NLGN1: variants seen among roughly 807,000 people sequenced by gnomAD.
NLGN1 encodes the protein neuroligin 1.
Under a neutral mutation model 65.5 loss-of-function variants are expected in NLGN1, and 12 were observed. The observed-to-expected ratio is 0.18, with a 90% CI of 0.12 to 0.30. The LOEUF (loss-of-function observed/expected upper bound fraction) is 0.30, where lower values mean the gene tolerates loss of function less well. Ranked by LOEUF, NLGN1 falls within the 10% of genes least tolerant of loss-of-function variation. The pLI, the probability that NLGN1 is intolerant of heterozygous loss-of-function variation, is 1.00. For synonymous variants in NLGN1, 350 were observed against 359.5 expected, an observed-to-expected ratio of 0.97 and a Z score of 0.30; for missense variants, 750 against 1,007.1, an observed-to-expected ratio of 0.74 and a Z score of 3.46.
intron 4 of NLGN1, among the ~76,000 whole-genome samples, chr3:173,932,939 A>T (rs1469858564): frequency 6.6e-6 from 1 of 152,162 alleles, no homozygotes; most frequent in Non-Finnish European, 1.5e-5. Context: ...GGCATAAGCC[A>T]TCTGAAATTA....
chr3:173,794,200 G>C (rs1713462212), intron 3 of NLGN1, among the ~76,000 whole-genome samples: 1 of 152,046 alleles, frequency 6.6e-6, no homozygotes, highest in South Asian at 2.1e-4. Flanking sequence ...ACTCAGCCAG[G>C]TCACCTTGTA....
intron 4 of NLGN1, among the ~76,000 whole-genome samples, chr3:174,085,130 A>T (rs922849438): frequency 1.3e-5 from 2 of 151,992 alleles, no homozygotes; most frequent in African/African-American, 4.8e-5. Context: ...CTCCTTAGGG[A>T]TGGATAGATA....
intron 2 of NLGN1, among the ~76,000 whole-genome samples, chr3:173,522,597 A>AT (rs71300451): frequency 0.38 from 57,137 of 151,088 alleles, 12,741 homozygotes; most frequent in East Asian, 0.82. Flanking sequence ...CGCCCAGCTA[A>AT]TTTTTTTTTG....
Position 173,917,620 on chromosome 3 carries a change from G to A in NLGN1, c.646+109788G>A, listed in dbSNP as rs116400036. 7.7e-3 allele frequency among the ~76,000 whole-genome samples: 1,166 copies of A among 152,182 alleles called. 10 individuals carry two copies. Among genetic ancestry groups the A allele is most frequent in the African/African-American group, 0.026 (1,094 of 41,530 alleles). ...CTATATTTTTCTAAGCCCTGACCTAGAATAGCTAGTCCTTAGTCCCCTAGT... is the reference window on the plus strand; with the variant it reads ...CTATATTTTTCTAAGCCCTGACCTAAAATAGCTAGTCCTTAGTCCCCTAGT... On this transcript the variant is annotated intron_variant, in intron 4 of 6. Transcript: ENST00000457714.
At chr3:174,255,850 T>A (rs1347610084) in intron 4 of NLGN1, among the ~76,000 whole-genome samples, 1 of 151,824 alleles carries the variant, frequency 6.6e-6, no homozygotes, top group African/African-American at 2.4e-5. Flanking sequence ...ATATAGACGA[T>A]GTTTTGCCAT....
chr3:174,064,092 A>G (rs1223510215), intron 4 of NLGN1, among the ~76,000 whole-genome samples: 1 of 151,912 alleles, frequency 6.6e-6, no homozygotes, highest in Admixed American at 6.6e-5. Flanking sequence ...CACTGAGCCA[A>G]GATTGTGCCA....
At chr3:174,114,867 T>G (rs1452168053) in intron 4 of NLGN1, among the ~76,000 whole-genome samples, 84 of 152,240 alleles carry the variant, frequency 5.5e-4, no homozygotes, top group Non-Finnish European at 5.9e-5. Context: ...TCTCTGACTT[T>G]CCAAATTCCT....
chr3:173,491,101 G>A (rs1180002862), intron 2 of NLGN1, among the ~76,000 whole-genome samples: 26 of 151,758 alleles, frequency 1.7e-4, no homozygotes, highest in African/African-American at 6.1e-4. Context: ...TCTCCTGCCT[G>A]ATTGCCGTGG....
chr3:173,695,047 T>C (rs1766007474), intron 3 of NLGN1, among the ~76,000 whole-genome samples: 1 of 152,178 alleles, frequency 6.6e-6, no homozygotes, highest in African/African-American at 2.4e-5. Flanking sequence ...CCAGAGACTT[T>C]TAGCTATATA....
intron 4 of NLGN1, among the ~76,000 whole-genome samples, chr3:173,850,786 G>C (rs376226346): frequency 1.3e-5 from 2 of 152,134 alleles, no homozygotes; most frequent in East Asian, 1.9e-4. Context: ...ACCCAGGCTA[G>C]AGTGCAGTGG....
chr3:174,292,471 T>G, the NLGN1 span, among the ~76,000 whole-genome samples: 1 of 151,260 alleles, frequency 6.6e-6, no homozygotes, highest in Non-Finnish European at 1.5e-5. Context: ...TAATTTCAAT[T>G]AATTGAAAAT....
At chr3:174,194,659 A>G (rs952842251) in intron 4 of NLGN1, among the ~76,000 whole-genome samples, 1 of 151,576 alleles carries the variant, frequency 6.6e-6, no homozygotes. Flanking sequence ...AAATGAGGAT[A>G]TGTTTAAGAA....
intron 4 of NLGN1, among the ~76,000 whole-genome samples, chr3:174,079,282 A>G (rs1741663709): frequency 6.6e-6 from 1 of 152,234 alleles, no homozygotes; most frequent in South Asian, 2.1e-4. Flanking sequence ...CACTCATATG[A>G]AAAAAAGCTC....
intron 4 of NLGN1, among the ~76,000 whole-genome samples, chr3:173,912,806 G>A (rs765498763): frequency 6.6e-6 from 1 of 151,976 alleles, no homozygotes. Flanking sequence ...TTCTATCACT[G>A]TATAAAATAC....
In NLGN1 at chr3:173,439,610, T is replaced by G. The variant is rs188170185; in HGVS notation, c.-321+4532T>G. On this transcript the variant is annotated intron_variant, in intron 2 of 6. Coordinates refer to ENST00000457714, the Ensembl canonical transcript of NLGN1. ...CACATCACTGCAATAAAGCAAATAT[T>G]GCAGTAAAATGAATCACACAATTTT... Among the ~76,000 whole-genome samples the G allele has an allele frequency of 3.3e-3, 505 of 152,132 alleles. 3 individuals carry two copies. The highest frequency in any genetic ancestry group is 0.012 in the African/African-American group (479 of 41,508).
intron 2 of NLGN1, among the ~76,000 whole-genome samples, chr3:173,546,814 A>G (rs1281711374): frequency 5.3e-5 from 8 of 152,228 alleles, no homozygotes; most frequent in African/African-American, 1.2e-4. Context: ...CCAATGTTCT[A>G]TATCTTGGAT....
intron 2 of NLGN1, among the ~76,000 whole-genome samples, chr3:173,561,181 C>T (rs1742672580): frequency 6.6e-6 from 1 of 152,196 alleles, no homozygotes; most frequent in African/African-American, 2.4e-5. Context: ...CGGTAGCCTT[C>T]CAGACTTTCA....
At chr3:173,880,422 G>T (rs1578954570) in intron 4 of NLGN1, among the ~76,000 whole-genome samples, 2 of 151,568 alleles carry the variant, frequency 1.3e-5, no homozygotes, top group East Asian at 3.9e-4. Context: ...GCATAGCTCA[G>T]ATATATTGTG....
At chr3:174,071,318 G>A (rs1380428630) in intron 4 of NLGN1, among the ~76,000 whole-genome samples, 3 of 152,036 alleles carry the variant, frequency 2.0e-5, no homozygotes, top group Non-Finnish European at 4.4e-5. Flanking sequence ...AATCAATTAG[G>A]AAAAAGGAAG....
Sources: allele counts gnomAD v4.1 joint callset (sites outside exome capture counted in the v4.1 genomes callset), GRCh38; gene constraint gnomAD v4.1.1; transcripts MANE v1.5; gene names NCBI Gene and HGNC (gene_info 2026-07-23, HGNC 2026-07-21).